The following CBFA2T3 variants were observed in gnomAD, a reference collection of about 807,000 sequenced individuals.
CBFA2T3 encodes CBFA2/RUNX1 partner transcriptional co-repressor 3.
Under a neutral mutation model 58.6 loss-of-function variants are expected in CBFA2T3, and 31 were observed. The ratio of observed to expected loss-of-function variants is 0.53; its 90% CI spans 0.40 to 0.71. CBFA2T3 has a LOEUF of 0.71. Ranked by LOEUF, CBFA2T3 falls within the 30% of genes least tolerant of loss-of-function variation. CBFA2T3 has a pLI of 0.00. For missense variants in CBFA2T3, 1,076 were observed against 963.1 expected (o/e 1.12, Z -1.55); for synonymous variants, 531 against 421.9 (o/e 1.26, Z -3.17).
At chr16:88,877,657 A>C (rs1597651027) in intron 11 of CBFA2T3, among the ~76,000 whole-genome samples, 1 of 150,594 alleles carries the variant, frequency 6.6e-6, no homozygotes, top group Non-Finnish European at 1.5e-5. Context: ...ATCCACACCC[A>C]CCCGTCCCCC....
intron 8 of CBFA2T3, among the ~76,000 whole-genome samples, chr16:88,882,196 C>G (rs907102148): frequency 1.3e-5 from 2 of 152,224 alleles, no homozygotes; most frequent in African/African-American, 4.8e-5. Context: ...CAGGAGGGCA[C>G]TGAGCTCAGG....
chr16:88,877,439 A>G (rs1318806205), intron 11 of CBFA2T3, among the ~76,000 whole-genome samples, 164 bp from the exon 12 acceptor site: 1 of 152,084 alleles, frequency 6.6e-6, no homozygotes. Flanking sequence ...ACAGCCACTC[A>G]CTGGGCCATT....
At chr16:88,912,581 C>T (rs1029603220) in intron 1 of CBFA2T3, among the ~76,000 whole-genome samples, 10 of 152,220 alleles carry the variant, frequency 6.6e-5, no homozygotes, top group African/African-American at 1.2e-4. Context: ...CATTTTTCTT[C>T]TCCAGCCACT....
At chr16:88,930,397 C>T (rs1356557448) in intron 1 of CBFA2T3, among the ~76,000 whole-genome samples, 1 of 152,128 alleles carries the variant, frequency 6.6e-6, no homozygotes, top group African/African-American at 2.4e-5. Context: ...GCAAAAGCTA[C>T]CCATGCCCAC....
intron 1 of CBFA2T3, among the ~76,000 whole-genome samples, chr16:88,975,133 TGACCTGCAGCCATGTCAGAGGTC>T (rs1972775207): frequency 1.6e-5 from 2 of 127,748 alleles, no homozygotes; most frequent in Admixed American, 7.8e-5. Context: ...CCTCTGCTCC[TGACCTGCAGCCATGTCAGAGGTC>T]CACCCTGACC....
At position 88,907,792 on chromosome 16, in the gene CBFA2T3, C is replaced by A. The variant is rs140355310; in HGVS notation, c.152-6136G>T. ...GTGGCATCTTCTAATTGTCCCCTCA[C>A]CCCAGAGCAGGGGCTTTGCCTGTCC... On this transcript the variant is annotated intron_variant, in intron 1 of 11. Transcript: ENST00000268679. Among the ~76,000 whole-genome samples, 197 of 152,368 alleles carry A rather than the reference C, an allele frequency of 1.3e-3. 2 individuals are homozygous for A. Among genetic ancestry groups the A allele is most frequent in the African/African-American group, 4.4e-3 (185 of 41,586 alleles).
At chr16:88,946,758 G>A (rs1050678234) in intron 1 of CBFA2T3, among the ~76,000 whole-genome samples, 2 of 152,068 alleles carry the variant, frequency 1.3e-5, no homozygotes, top group Non-Finnish European at 2.9e-5. Flanking sequence ...TGGGATTACA[G>A]ACACGAGCCA....
intron 1 of CBFA2T3, among the ~76,000 whole-genome samples, chr16:88,969,443 C>T (rs1454247757): frequency 2.0e-5 from 3 of 152,200 alleles, no homozygotes; most frequent in South Asian, 2.1e-4. Context: ...AGAGCGGGGC[C>T]CCTTGGGAAG....
At chr16:88,957,626 A>G (rs902586641) in intron 1 of CBFA2T3, 1 of 152,286 alleles carries the variant, frequency 6.6e-6, no homozygotes, top group African/African-American at 2.4e-5. Context: ...AAGGTTCTCC[A>G]TAGACTGTCA....
intron 9 of CBFA2T3, 68 bp from the exon 10 acceptor site, chr16:88,880,856 C>G: frequency 7.1e-7 from 1 of 1,410,114 alleles, no homozygotes; most frequent in East Asian, 2.5e-5. Flanking sequence ...GGGCCCTCCC[C>G]ACCCTGGCTG....
At chr16:88,901,770 G>C in intron 1 of CBFA2T3, 114 bp from the exon 2 acceptor site, 1 of 934,536 alleles carries the variant, frequency 1.1e-6, no homozygotes, top group Non-Finnish European at 1.5e-6. Flanking sequence ...CAGCGCTGGG[G>C]CAGTCTGCCC....
chr16:88,892,433 T>G lies in CBFA2T3; in HGVS notation c.432A>C (p.Thr144=). Residue 144 remains threonine (T), a synonymous_variant, in exon 4 of 12, where the codon ACA becomes ACC. Transcript: ENST00000268679. ...CCGGGCCATTGCTGAAGCCGTTGGGTGTGCACGGTGCACCATTGATGGCTG... is the reference window on the plus strand; with the variant it reads ...CCGGGCCATTGCTGAAGCCGTTGGGGGTGCACGGTGCACCATTGATGGCTG... The part of the protein sequence containing the change: ...SPTAINGAPC[T]PNGFSNGPAT... The G allele has an allele frequency of 6.2e-7, 1 of 1,613,410 alleles. No homozygotes were observed. The highest frequency in any genetic ancestry group is 8.5e-7 in the Non-Finnish European group (1 of 1,179,966).
chr16:88,948,896 C>T (rs1034773339), intron 1 of CBFA2T3, among the ~76,000 whole-genome samples: 9 of 152,112 alleles, frequency 5.9e-5, no homozygotes, highest in African/African-American at 2.2e-4. Flanking sequence ...GGAAGTGTCC[C>T]GTAGGAAAAG....
At chr16:88,976,040 G>C (rs1369737216) in intron 1 of CBFA2T3, among the ~76,000 whole-genome samples, 1 of 152,218 alleles carries the variant, frequency 6.6e-6, no homozygotes, top group Non-Finnish European at 1.5e-5. Context: ...GACTTCGCAG[G>C]CTCGGGTGGG....
chr16:88,921,699 C>A (rs896146662), intron 1 of CBFA2T3, among the ~76,000 whole-genome samples: 14 of 152,192 alleles, frequency 9.2e-5, no homozygotes, highest in Admixed American at 8.5e-4. Context: ...TAAACAGGAC[C>A]CCTGGGAATT....
At chr16:88,914,142 G>A (rs559564489) in intron 1 of CBFA2T3, among the ~76,000 whole-genome samples, 14 of 152,234 alleles carry the variant, frequency 9.2e-5, no homozygotes, top group Admixed American at 2.0e-4. Flanking sequence ...GTACAGCACT[G>A]CAAGCGGTCT....
chr16:88,891,296 G>C (rs1381138526), intron 5 of CBFA2T3, among the ~76,000 whole-genome samples: 1 of 152,172 alleles, frequency 6.6e-6, no homozygotes, highest in African/African-American at 2.4e-5. Context: ...AGTTACTGCT[G>C]TCTGGAAAAC....
chr16:88,957,611 G>A (rs1041978829), intron 1 of CBFA2T3: 1 of 152,314 alleles, frequency 6.6e-6, no homozygotes, highest in Non-Finnish European at 1.5e-5. Context: ...CAGCTGTGGT[G>A]AGACAAGGTT....
intron 1 of CBFA2T3, among the ~76,000 whole-genome samples, chr16:88,903,584 C>A (rs548204210): frequency 1.3e-5 from 2 of 151,266 alleles, no homozygotes; most frequent in South Asian, 4.2e-4. Context: ...GGCTGCAGGG[C>A]CGGTGGCCAG....
Sources: allele counts gnomAD v4.1 joint callset (sites outside exome capture counted in the v4.1 genomes callset), GRCh38; gene constraint gnomAD v4.1.1; transcripts MANE v1.5; gene names NCBI Gene and HGNC (gene_info 2026-07-23, HGNC 2026-07-21).